ATG10: variants seen among roughly 807,000 people sequenced by gnomAD.
ATG10 encodes the protein ubiquitin-like-conjugating enzyme ATG10.
A neutral mutation model predicts 32.1 loss-of-function variants in ATG10; 30 were observed. The observed-to-expected ratio is 0.94, with a 90% confidence interval of 0.70 to 1.27. The LOEUF (loss-of-function observed/expected upper bound fraction) is 1.27, where lower values mean the gene tolerates loss of function less well. Among genes scored for constraint, ATG10 ranks in the 50% most tolerant of loss-of-function variants. The pLI, the probability that ATG10 is intolerant of heterozygous loss-of-function variation, is 0.00. For synonymous variants in ATG10, 87 were observed against 91.5 expected, an observed-to-expected ratio of 0.95 and a Z score of 0.28; for missense variants, 233 against 262.3, an observed-to-expected ratio of 0.89 and a Z score of 0.77.
intron 2 of ATG10, among the ~76,000 whole-genome samples, chr5:82,045,045 G>A (rs1763195276): frequency 6.6e-6 from 1 of 152,092 alleles, no homozygotes; most frequent in East Asian, 1.9e-4. Flanking sequence ...CCTGTAGTGT[G>A]GCCTAGAAAC....
chr5:82,150,175 G>A (rs1767534039), intron 3 of ATG10, among the ~76,000 whole-genome samples: 1 of 151,876 alleles, frequency 6.6e-6, no homozygotes, highest in African/African-American at 2.4e-5. Flanking sequence ...CAATAAAGTA[G>A]CAGATGTTTC....
chr5:81,995,028 T>C (rs1761618567), intron 2 of ATG10, among the ~76,000 whole-genome samples: 1 of 152,240 alleles, frequency 6.6e-6, no homozygotes, highest in African/African-American at 2.4e-5. Flanking sequence ...ATCTGCTTTC[T>C]GTTCTAGAGA....
At chr5:82,040,708 C>T (rs2149726982) in intron 2 of ATG10, among the ~76,000 whole-genome samples, 2 of 152,216 alleles carry the variant, frequency 1.3e-5, no homozygotes, top group East Asian at 3.9e-4. Context: ...TTTTTTTCCA[C>T]TGTGATTTTA....
At chr5:82,070,496 C>A (rs1445441387) in intron 3 of ATG10, among the ~76,000 whole-genome samples, 3 of 152,082 alleles carry the variant, frequency 2.0e-5, no homozygotes, top group Non-Finnish European at 1.5e-5. Context: ...TAACAATTAT[C>A]TTAAACTCTG....
At chr5:82,056,247 C>T (rs1763590827) in intron 2 of ATG10, among the ~76,000 whole-genome samples, 1 of 151,932 alleles carries the variant, frequency 6.6e-6, no homozygotes, top group African/African-American at 2.4e-5. Flanking sequence ...AAAACCCAAC[C>T]CATTGGGTGA....
At chr5:82,006,909 G>A (rs915454867) in intron 2 of ATG10, among the ~76,000 whole-genome samples, 9 of 152,010 alleles carry the variant, frequency 5.9e-5, no homozygotes, top group East Asian at 1.9e-4. Context: ...GCTGGAATGC[G>A]GTGGCATGAT....
chr5:82,197,458 A>G (rs62365417), intron 5 of ATG10, among the ~76,000 whole-genome samples: 99 of 113,194 alleles, frequency 8.7e-4, no homozygotes, highest in Admixed American at 2.5e-3. Flanking sequence ...CTATCTGTCT[A>G]TCTACCTACC....
At chr5:81,984,144 A>G (rs1003883865) in intron 1 of ATG10, among the ~76,000 whole-genome samples, 1 of 152,248 alleles carries the variant, frequency 6.6e-6, no homozygotes, top group African/African-American at 2.4e-5. Context: ...ACCATTGAGC[A>G]CTGAATGAAC....
At chr5:82,169,587 T>C (rs1743724515) in intron 4 of ATG10, among the ~76,000 whole-genome samples, 1 of 152,144 alleles carries the variant, frequency 6.6e-6, no homozygotes, top group African/African-American at 2.4e-5. Flanking sequence ...AATAGAAAAT[T>C]ATTTGACAGA....
chr5:82,150,660 T>C (rs1042279894), intron 3 of ATG10, among the ~76,000 whole-genome samples: 5 of 152,188 alleles, frequency 3.3e-5, no homozygotes, highest in African/African-American at 1.2e-4. Context: ...GCACTGGTGA[T>C]ATCCATATCC....
In ATG10 at chr5:81,977,650, A is replaced by G. The variant is rs72776814; in HGVS notation, c.-13+5344A>G. Among the ~76,000 whole-genome samples, 152 of 152,268 alleles carry G rather than the reference A, an allele frequency of 1.0e-3. 1 individual carries two copies. The highest frequency in any genetic ancestry group is 1.8e-3 in the Non-Finnish European group (123 of 68,032). The stretch of plus-strand genomic sequence containing the variant: ...ACCCTGTCTTTGCAGGAGCTCCTCA[A>G]TCTTTTTGGAGTGACTTTGTCTCCA... On this transcript the variant is annotated intron_variant, in intron 1 of 7. Coordinates refer to ENST00000282185, the MANE Select transcript of ATG10 (RefSeq NM_031482.5).
chr5:82,084,486 A>G (rs1481132522), intron 3 of ATG10, among the ~76,000 whole-genome samples: 1 of 152,228 alleles, frequency 6.6e-6, no homozygotes, highest in Non-Finnish European at 1.5e-5. Flanking sequence ...AAAGAACGCC[A>G]CAAAGATACT....
At chr5:82,029,853 G>T (rs1762696829) in intron 2 of ATG10, among the ~76,000 whole-genome samples, 1 of 152,080 alleles carries the variant, frequency 6.6e-6, no homozygotes, top group South Asian at 2.1e-4. Context: ...GGATCTATTT[G>T]CCTATATTCT....
chr5:82,069,653 T>C (rs1470840878), intron 3 of ATG10, among the ~76,000 whole-genome samples: 6 of 152,132 alleles, frequency 3.9e-5, no homozygotes, highest in Non-Finnish European at 7.4e-5. Flanking sequence ...GTTAGAACTA[T>C]CTAGAATTTC....
intron 2 of ATG10, among the ~76,000 whole-genome samples, chr5:82,032,952 G>A (rs1454384402): frequency 6.6e-6 from 1 of 152,104 alleles, no homozygotes; most frequent in Non-Finnish European, 1.5e-5. Flanking sequence ...ATCTGTTTGG[G>A]ATGGAGCTCA....
intron 3 of ATG10, among the ~76,000 whole-genome samples, chr5:82,155,779 C>T (rs1265229607): frequency 2.0e-5 from 3 of 152,124 alleles, no homozygotes; most frequent in African/African-American, 4.8e-5. Context: ...GAAGAATTTT[C>T]TGGCTCTGGA....
intron 1 of ATG10, among the ~76,000 whole-genome samples, chr5:81,975,413 G>T (rs1211350962): frequency 6.6e-6 from 1 of 152,192 alleles, no homozygotes; most frequent in Non-Finnish European, 1.5e-5. Flanking sequence ...TGGGTACAGT[G>T]GTTCATGCCT....
chr5:82,205,115 A>ATTGC (rs1745241478), intron 5 of ATG10, among the ~76,000 whole-genome samples: 1 of 152,134 alleles, frequency 6.6e-6, no homozygotes, highest in Non-Finnish European at 1.5e-5. Flanking sequence ...TGTTTGTTTG[A>ATTGC]TTGCTTGCTT....
intron 3 of ATG10, among the ~76,000 whole-genome samples, chr5:82,160,080 C>G (rs555161771): frequency 6.6e-6 from 1 of 152,144 alleles, no homozygotes; most frequent in East Asian, 1.9e-4. Context: ...TGGTTCTGTA[C>G]AGTTTTATCA....
Sources: allele counts gnomAD v4.1 joint callset (sites outside exome capture counted in the v4.1 genomes callset), GRCh38; gene constraint gnomAD v4.1.1; transcripts MANE v1.5; gene names NCBI Gene and HGNC (gene_info 2026-07-23, HGNC 2026-07-21).